AKAP10: variants seen among roughly 807,000 people sequenced by gnomAD.
The protein encoded by AKAP10 is A-kinase anchor protein 10, mitochondrial.
AKAP10 carries 24 observed loss-of-function variants against 80.8 expected under a neutral mutation model. That is an observed-to-expected ratio of 0.30 (90% CI 0.22 to 0.42). AKAP10 has a LOEUF of 0.42. Among genes scored for constraint, AKAP10 ranks in the 10% least tolerant of loss-of-function variants. The pLI, the probability that AKAP10 is intolerant of heterozygous loss-of-function variation, is 1.00. For missense variants in AKAP10, 661 were observed against 794.9 expected, an observed-to-expected ratio of 0.83 and a Z score of 2.03; for synonymous variants, 291 against 277.7, an observed-to-expected ratio of 1.05 and a Z score of -0.48.
At chr17:19,924,322 G>C in intron 11 of AKAP10, 86 bp downstream of exon 11, 1 of 972,462 alleles carries the variant, frequency 1.0e-6, no homozygotes, top group Non-Finnish European at 1.5e-6. Flanking sequence ...TAATAGATTA[G>C]AAAAAAATGT....
chr17:19,953,005 T>TA (rs1001963629), intron 4 of AKAP10, among the ~76,000 whole-genome samples: 1 of 152,152 alleles, frequency 6.6e-6, no homozygotes, highest in African/African-American at 2.4e-5. Flanking sequence ...ATTCACATTT[T>TA]AAAAAATTTT....
chr17:19,946,222 T>TTATATATATATATATATTTTA (rs1170911920), intron 5 of AKAP10, among the ~76,000 whole-genome samples: 1 of 33,958 alleles, frequency 2.9e-5, no homozygotes, highest in African/African-American at 1.0e-4. Context: ...TATATATATT[T>TTATATATATATATATATTTTA]TATATATATA....
At chr17:19,968,318 T>C (rs1160247842) in intron 2 of AKAP10, 96 bp downstream of exon 2, 5 of 927,816 alleles carry the variant, frequency 5.4e-6, no homozygotes, top group Non-Finnish European at 6.6e-6. Context: ...GCAGAAATGA[T>C]TAATGCCAAA....
chr17:19,930,868 A>G (rs887133795), intron 10 of AKAP10, among the ~76,000 whole-genome samples: 7 of 151,770 alleles, frequency 4.6e-5, no homozygotes, highest in African/African-American at 1.7e-4. Flanking sequence ...GAGCCACCAT[A>G]ACCAGCTAAT....
intron 1 of AKAP10, among the ~76,000 whole-genome samples, chr17:19,970,835 A>T (rs1343082258): frequency 6.6e-6 from 1 of 151,158 alleles, no homozygotes; most frequent in Non-Finnish European, 1.5e-5. Context: ...AAAAAAAAAA[A>T]TAAATAAATA....
chr17:19,918,224 C>CAAAAAAAAAAAAAAAA (rs559332326), intron 12 of AKAP10, among the ~76,000 whole-genome samples: 1 of 86,048 alleles, frequency 1.2e-5, no homozygotes, highest in Admixed American at 1.2e-4. Flanking sequence ...CCGTCTCAAA[C>CAAAAAAAAAAAAAAAA]AAAAAAAAAA....
At chr17:19,951,042 C>G (rs868766658) in intron 4 of AKAP10, among the ~76,000 whole-genome samples, 1 of 152,000 alleles carries the variant, frequency 6.6e-6, no homozygotes, top group Admixed American at 6.5e-5. Context: ...CCGGCCGCCC[C>G]GTCTGAGAAG....
chr17:19,908,414 C>A (rs1470991439), intron 14 of AKAP10, among the ~76,000 whole-genome samples: 1 of 152,138 alleles, frequency 6.6e-6, no homozygotes, highest in Non-Finnish European at 1.5e-5. Flanking sequence ...CCAGATCCTT[C>A]TGGCCATGAA....
At chr17:19,918,490 C>T (rs760073271) in intron 12 of AKAP10, among the ~76,000 whole-genome samples, 10 of 152,130 alleles carry the variant, frequency 6.6e-5, no homozygotes, top group African/African-American at 1.9e-4. Context: ...TGCCACCACG[C>T]CTGGCTAATT....
In AKAP10 at chr17:19,952,776, A is replaced by G. The variant is rs369850983; in HGVS notation, c.877+5238T>C. On this transcript the variant is annotated intron_variant, in intron 4 of 14. Transcript: ENST00000225737. ...ACCTAACAACAGAGCCTCAAAATACATGAAGCAAAACCAGATAGAGCTGAA... is the reference window on the plus strand; with the variant it reads ...ACCTAACAACAGAGCCTCAAAATACGTGAAGCAAAACCAGATAGAGCTGAA... Among the ~76,000 whole-genome samples the G allele has an allele frequency of 7.4e-4, 112 of 152,276 alleles. 3 individuals are homozygous for G. In the South Asian group the frequency reaches 0.022, roughly 30 times the overall value.
chr17:19,927,536 C>T (rs571999349), intron 10 of AKAP10, among the ~76,000 whole-genome samples: 3 of 152,042 alleles, frequency 2.0e-5, no homozygotes, highest in Admixed American at 6.6e-5. Context: ...AGGTGGCTCA[C>T]GCCTGTACTC....
At chr17:19,973,167 A>G (rs1407009953) in intron 1 of AKAP10, among the ~76,000 whole-genome samples, 1 of 152,132 alleles carries the variant, frequency 6.6e-6, no homozygotes, top group Non-Finnish European at 1.5e-5. Flanking sequence ...TTTAGTAGAG[A>G]CAGGGTTTCA....
chr17:19,955,239 A>G (rs915062336), intron 4 of AKAP10, among the ~76,000 whole-genome samples: 3 of 152,098 alleles, frequency 2.0e-5, no homozygotes, highest in East Asian at 3.9e-4. Context: ...AAAATAAGAA[A>G]AAAAAAGAGA....
At chr17:19,925,938 A>G (rs940906136) in intron 10 of AKAP10, among the ~76,000 whole-genome samples, 1 of 152,244 alleles carries the variant, frequency 6.6e-6, no homozygotes, top group Non-Finnish European at 1.5e-5. Flanking sequence ...AAAGACAGAC[A>G]TACAGACGGA....
chr17:19,947,387 TAG>T lies in AKAP10; in HGVS notation c.976+18_976+19del. 6.5e-7 allele frequency: 1 copy of T among 1,538,008 alleles called. No individual in the cohort carries two copies. The highest frequency in any genetic ancestry group is 1.9e-5 in the Admixed American group (1 of 52,928). On this transcript the variant is annotated intron_variant, in intron 5 of 14. Transcript: ENST00000225737. ...ATTTTTTGTCATTTTTTTTTTGCCA[TAG>T]TTTCAAGCACTGCTTACCTATGATG... is the stretch of plus-strand genomic sequence containing the variant.
At chr17:19,957,453 A>G (rs2043291652) in intron 4 of AKAP10, among the ~76,000 whole-genome samples, 1 of 151,920 alleles carries the variant, frequency 6.6e-6, no homozygotes, top group Non-Finnish European at 1.5e-5. Context: ...GAGGCAGGAG[A>G]ATGGCATGAA....
chr17:19,914,609 A>AGAATC (rs2042724702), intron 12 of AKAP10, among the ~76,000 whole-genome samples: 1 of 148,808 alleles, frequency 6.7e-6, no homozygotes, highest in Non-Finnish European at 1.5e-5. Context: ...AGCCTGGGCA[A>AGAATC]CAGAGCAAGA....
chr17:19,912,382 C>A (rs889163906), intron 12 of AKAP10, among the ~76,000 whole-genome samples: 3 of 152,068 alleles, frequency 2.0e-5, no homozygotes, highest in Non-Finnish European at 2.9e-5. Flanking sequence ...ACTAAACATA[C>A]AAAAATGAAC....
At chr17:19,977,329 C>T (rs376654656) in intron 1 of AKAP10, among the ~76,000 whole-genome samples, 42 of 152,356 alleles carry the variant, frequency 2.8e-4, no homozygotes, top group African/African-American at 9.6e-4. Flanking sequence ...CTGTTCTTAA[C>T]CAAACAGGCA....
Sources: gnomAD v4.1 joint callset for allele counts (sites outside exome capture counted in the v4.1 genomes callset) on GRCh38, gnomAD v4.1.1 for gene constraint, MANE v1.5 for transcripts, NCBI Gene and HGNC (gene_info 2026-07-23, HGNC 2026-07-21) for gene names.